Variants in SLC7A5 observed in about 807,000 individuals in gnomAD.
SLC7A5 encodes solute carrier family 7 member 5.
A neutral mutation model predicts 50.2 loss-of-function variants in SLC7A5; 23 were observed. The ratio of observed to expected loss-of-function variants is 0.46; its 90% CI spans 0.33 to 0.65. The LOEUF (loss-of-function observed/expected upper bound fraction) is 0.65. SLC7A5 is among the 30% of genes least tolerant of loss of function. The pLI is 0.02. For synonymous variants in SLC7A5, 393 were observed against 330.6 expected (o/e 1.19, Z -2.05); for missense variants, 578 against 684.4 (o/e 0.84, Z 1.73).
intron 6 of SLC7A5, 89 bp downstream of exon 6, chr16:87,838,625 G>C (rs962688114): frequency 1.9e-6 from 2 of 1,031,454 alleles, no homozygotes; most frequent in Admixed American, 3.4e-5. Flanking sequence ...CAGTATCACA[G>C]AGACAAACCT....
chr16:87,850,963 G>C (rs1316585490), intron 2 of SLC7A5, among the ~76,000 whole-genome samples: 2 of 152,180 alleles, frequency 1.3e-5, no homozygotes, highest in African/African-American at 2.4e-5. Flanking sequence ...AGGTGCAAAG[G>C]GGCGGGGGCT....
At chr16:87,855,013 C>A (rs541167901) in intron 1 of SLC7A5, among the ~76,000 whole-genome samples, 1 of 152,374 alleles carries the variant, frequency 6.6e-6, no homozygotes, top group African/African-American at 2.4e-5. Flanking sequence ...CTGGCCATAC[C>A]CAGAGCCAGC....
At chr16:87,835,636 G>C (rs1277033596) in intron 8 of SLC7A5, among the ~76,000 whole-genome samples, 1 of 152,176 alleles carries the variant, frequency 6.6e-6, no homozygotes, top group Non-Finnish European at 1.5e-5. Context: ...ACCACGCCCA[G>C]CTAATTTTTT....
intron 3 of SLC7A5, 142 bp from the exon 4 acceptor site, chr16:87,840,615 A>T (rs1597497047): frequency 2.3e-6 from 1 of 433,446 alleles, no homozygotes; most frequent in Non-Finnish European, 4.1e-6. Flanking sequence ...CTGGAGTGGG[A>T]GGGAGCTCAG....
At position 87,868,767 on chromosome 16, in the gene SLC7A5, C is replaced by A. The variant is rs556649283; in HGVS notation, c.538+118G>T. 6.3e-6 allele frequency: 7 copies of A among 1,102,666 alleles called. No homozygotes were observed. The East Asian group carries it at 1.8e-4, about 28-fold the overall frequency. The allele number at this position is 1,102,666 out of a possible 1,614,324, so 68.3% of individuals were successfully genotyped here. A position where few individuals can be genotyped will look rare whatever the true frequency, so the allele number is the denominator to read the frequency against. On this transcript the variant is annotated intron_variant, in intron 1 of 9. Coordinates refer to ENST00000261622, the MANE Select transcript of SLC7A5 (RefSeq NM_003486.7). Reference sequence around the variant, plus strand: ...ACCAATGACCTTAGCCTAGAACTGCCGGGATGGTCCAGGAACGTAAAGATG... The same window carrying A: ...ACCAATGACCTTAGCCTAGAACTGCAGGGATGGTCCAGGAACGTAAAGATG...
intron 1 of SLC7A5, among the ~76,000 whole-genome samples, chr16:87,859,711 T>G (rs370216065): frequency 2.6e-5 from 4 of 151,992 alleles, no homozygotes; most frequent in African/African-American, 9.7e-5. Flanking sequence ...GAGGCTGAGG[T>G]GGGCAGATCA....
intron 2 of SLC7A5, among the ~76,000 whole-genome samples, chr16:87,850,553 G>C (rs2055208795): frequency 6.6e-6 from 1 of 152,234 alleles, no homozygotes; most frequent in African/African-American, 2.4e-5. Context: ...ACAGCTCCAG[G>C]ACTGGGATCA....
chr16:87,849,606 G>A (rs1205924364), intron 2 of SLC7A5, among the ~76,000 whole-genome samples: 1 of 152,138 alleles, frequency 6.6e-6, no homozygotes, highest in African/African-American at 2.4e-5. Context: ...CCCACTTCTG[G>A]GAGGCACAGG....
chr16:87,839,564 G>A (rs1216066734), intron 5 of SLC7A5, 138 bp downstream of exon 5: 19 of 1,202,966 alleles, frequency 1.6e-5, no homozygotes, highest in East Asian at 4.8e-5. Flanking sequence ...CACCCCTCCG[G>A]GTAGGGGAGG....
At chr16:87,855,130 G>A (rs8057896) in intron 1 of SLC7A5, among the ~76,000 whole-genome samples, 61,333 of 151,900 alleles carry the variant, frequency 0.4, 13,302 homozygotes, top group East Asian at 0.79. Context: ...GGAGGGATTG[G>A]GGACGCGGCC....
At chr16:87,864,206 C>A (rs1001937357) in intron 1 of SLC7A5, among the ~76,000 whole-genome samples, 1 of 151,108 alleles carries the variant, frequency 6.6e-6, no homozygotes, top group African/African-American at 2.4e-5. Context: ...GCAGGACAGT[C>A]GCTTGAACCC....
chr16:87,835,633 C>T (rs563527780), intron 8 of SLC7A5, among the ~76,000 whole-genome samples: 1 of 152,174 alleles, frequency 6.6e-6, no homozygotes, highest in Non-Finnish European at 1.5e-5. Flanking sequence ...GCCACCACGC[C>T]CAGCTAATTT....
At position 87,861,553 on chromosome 16, in the gene SLC7A5, G is replaced by A. The variant is rs2055398590; in HGVS notation, c.538+7332C>T. Among the ~76,000 whole-genome samples the A allele has an allele frequency of 6.6e-6, 1 of 152,204 alleles. No homozygotes were observed. Among genetic ancestry groups the A allele is most frequent in the Non-Finnish European group, 1.5e-5 (1 of 68,028 alleles). On this transcript the variant is annotated intron_variant, in intron 1 of 9. Transcript: ENST00000261622. The surrounding 1 kb of genome is among the most constrained non-coding windows in gnomAD (Gnocchi z 4.2). ...ATTATCACTGGCTTCAAAGGCTGGA[G>A]TGCAAAGTGGTGGCCAAGAGGTGGC...
intron 1 of SLC7A5, chr16:87,854,026 C>T (rs1597509205): frequency 6.6e-6 from 1 of 151,922 alleles, no homozygotes; most frequent in Non-Finnish European, 1.5e-5. Context: ...GGTAATGACG[C>T]CATCAGGGCT....
At chr16:87,847,077 G>C (rs776563556) in intron 2 of SLC7A5, among the ~76,000 whole-genome samples, 7 of 152,198 alleles carry the variant, frequency 4.6e-5, no homozygotes, top group Non-Finnish European at 1.0e-4. Flanking sequence ...GAGCAGGCTG[G>C]GCTGAGCTCT....
Position 87,869,442 on chromosome 16 carries a change from C to T in SLC7A5, c.-20G>A, listed in dbSNP as rs1294462007. ...CGCCATGCTCTGCGCACCGGCCGGG[C>T]CTGGGACACCCGGGAGCCGCGGCCC... On this transcript the variant is annotated 5_prime_UTR_variant, in exon 1 of 10. Transcript: ENST00000261622. The T allele has an allele frequency of 2.2e-6, 3 of 1,394,928 alleles. No individual in the cohort carries two copies. Among genetic ancestry groups the T allele is most frequent in the South Asian group, 3.2e-5 (2 of 61,776 alleles). The allele number at this position is 1,394,928 out of a possible 1,614,324, so 86.4% of individuals were successfully genotyped here.
At chr16:87,865,838 C>T (rs1472182850) in intron 1 of SLC7A5, among the ~76,000 whole-genome samples, 3 of 151,716 alleles carry the variant, frequency 2.0e-5, no homozygotes, top group African/African-American at 7.3e-5. Context: ...GAATCCACAC[C>T]CCGCCGGGTG....
chr16:87,859,571 G>C (rs1189893593), intron 1 of SLC7A5, among the ~76,000 whole-genome samples: 1 of 152,160 alleles, frequency 6.6e-6, no homozygotes. Flanking sequence ...GTCACGATGG[G>C]AAGAGGGGGT....
chr16:87,853,283 C>T lies in SLC7A5; in HGVS notation c.539-1434G>A, dbSNP rs552672695. Among the ~76,000 whole-genome samples the T allele has an allele frequency of 1.2e-4, 19 of 152,344 alleles. No individual in the cohort carries two copies. The highest frequency in any genetic ancestry group is 4.6e-4 in the Admixed American group (7 of 15,300). The stretch of plus-strand genomic sequence containing the variant: ...ATGACACCGGAAACGTCCTGAGGTG[C>T]GGGACGGGCTGCCGCCTGCCTATCT... On this transcript the variant is annotated intron_variant, in intron 1 of 9. Coordinates refer to ENST00000261622, the MANE Select transcript of SLC7A5 (RefSeq NM_003486.7). The surrounding 1 kb of genome is among the most constrained non-coding windows in gnomAD (Gnocchi z 4.4).
Sources: gnomAD v4.1 joint callset for allele counts (sites outside exome capture counted in the v4.1 genomes callset) on GRCh38, gnomAD v4.1.1 for gene constraint, Gnocchi (gnomAD v3.1) non-coding constraint, MANE v1.5 for transcripts, NCBI Gene and HGNC (gene_info 2026-07-23, HGNC 2026-07-21) for gene names.